Variants in MYO18B observed in about 807,000 individuals in gnomAD.
MYO18B encodes the protein myosin XVIIIB.
Under a neutral mutation model 273.0 loss-of-function variants are expected in MYO18B, and 204 were observed. The ratio of observed to expected loss-of-function variants is 0.75; its 90% CI spans 0.67 to 0.84. The LOEUF (loss-of-function observed/expected upper bound fraction) is 0.84, where lower values mean the gene tolerates loss of function less well. Among genes scored for constraint, MYO18B ranks in the 40% least tolerant of loss-of-function variants. MYO18B has a pLI of 0.00. For missense variants in MYO18B, 3,212 were observed against 3,287.6 expected, an observed-to-expected ratio of 0.98 and a Z score of 0.56; for synonymous variants, 1,330 against 1,305.7, an observed-to-expected ratio of 1.02 and a Z score of -0.40.
chr22:26,002,643 T>C (rs73154169), intron 40 of MYO18B, among the ~76,000 whole-genome samples: 4,047 of 152,274 alleles, frequency 0.027, 56 homozygotes, highest in Middle Eastern at 0.044. Flanking sequence ...CACTGAACAA[T>C]TGCATGCTGA....
intron 35 of MYO18B, among the ~76,000 whole-genome samples, chr22:25,947,358 G>A (rs975738097): frequency 1.3e-5 from 2 of 151,908 alleles, no homozygotes; most frequent in Admixed American, 6.6e-5. Flanking sequence ...GGAGAGCGCC[G>A]GGATTTGCAT....
At position 25,945,336 on chromosome 22, in the gene MYO18B, G is replaced by A. The variant is rs1018984760; in HGVS notation, c.5518-801G>A. The stretch of plus-strand genomic sequence containing the variant: ...CCAGTGTCACCCTCTTTCCTCTACT[G>A]CACAAAGAGGTTGTCATTAGCTGTT... On this transcript the variant is annotated intron_variant, in intron 34 of 43. Transcript: ENST00000335473. 2.6e-5 allele frequency among the ~76,000 whole-genome samples: 4 copies of A among 151,956 alleles called. 1 individual carries two copies. Among genetic ancestry groups the A allele is most frequent in the Admixed American group, 1.3e-4 (2 of 15,264 alleles).
intron 11 of MYO18B, among the ~76,000 whole-genome samples, chr22:25,791,272 G>A (rs1047093005): frequency 1.4e-4 from 21 of 152,214 alleles, no homozygotes; most frequent in African/African-American, 4.3e-4. Flanking sequence ...GAGCTGGACT[G>A]AGAATGAATT....
chr22:26,013,466 G>A (rs1935070549), intron 42 of MYO18B, among the ~76,000 whole-genome samples: 1 of 152,020 alleles, frequency 6.6e-6, no homozygotes, highest in Admixed American at 6.6e-5. Flanking sequence ...GGTTGTTTAT[G>A]GTTTCCCATG....
rs570349098 is a variant in MYO18B at position 25,822,866 on chromosome 22, G to T, written c.2522-639G>T. Among the ~76,000 whole-genome samples the T allele has an allele frequency of 3.5e-4, 54 of 152,336 alleles. 1 individual carries two copies. In the South Asian group the frequency reaches 0.011, roughly 32 times the overall value. On this transcript the variant is annotated intron_variant, in intron 12 of 43. Coordinates refer to ENST00000335473, the MANE Select transcript of MYO18B (RefSeq NM_032608.7). ...ATCAGCTAACAGAATAGAAAGTTTT[G>T]CAATGCTTTCCCATACAATGTGTGG... is the stretch of plus-strand genomic sequence containing the variant.
intron 42 of MYO18B, among the ~76,000 whole-genome samples, chr22:26,017,108 A>C (rs56288648): frequency 0.58 from 65,264 of 113,290 alleles, 16,670 homozygotes; most frequent in Middle Eastern, 0.67. Flanking sequence ...TCACTCACTC[A>C]CTCCCTTCCT....
intron 39 of MYO18B, among the ~76,000 whole-genome samples, chr22:25,990,700 A>AG (rs2093257397): frequency 2.6e-5 from 2 of 78,162 alleles, no homozygotes; most frequent in Admixed American, 2.0e-4. Flanking sequence ...AAAAAAAAAA[A>AG]AAAAAAAAAA....
chr22:25,771,141 C>T (rs2086705401), intron 6 of MYO18B, among the ~76,000 whole-genome samples, 157 bp downstream of exon 6: 1 of 152,288 alleles, frequency 6.6e-6, no homozygotes. Flanking sequence ...AGTGAAGAAC[C>T]CCACTGAACT....
intron 39 of MYO18B, among the ~76,000 whole-genome samples, chr22:25,962,797 G>C (rs1459361590): frequency 1.3e-5 from 2 of 152,148 alleles, no homozygotes; most frequent in Admixed American, 6.5e-5. Context: ...TGGCAGCTTT[G>C]GGGGAGCAGT....
chr22:25,882,306 C>G lies in MYO18B; in HGVS notation c.4314+4258C>G. On this transcript the variant is annotated intron_variant, in intron 25 of 43. Coordinates refer to ENST00000335473, the MANE Select transcript of MYO18B (RefSeq NM_032608.7). Reference sequence around the variant, plus strand: ...AATCCAACACTGAACTTCCTAGCAGCGAAAGCTAAGAGGGAAACAAGCTAT... The same window carrying G: ...AATCCAACACTGAACTTCCTAGCAGGGAAAGCTAAGAGGGAAACAAGCTAT... Among the ~76,000 whole-genome samples, 2 of 150,372 alleles carry G rather than the reference C, an allele frequency of 1.3e-5. 1 individual carries two copies. The highest frequency in any genetic ancestry group is 3.9e-4 in the East Asian group (2 of 5,142).
At chr22:25,972,453 G>C (rs2093045704) in intron 39 of MYO18B, among the ~76,000 whole-genome samples, 1 of 152,158 alleles carries the variant, frequency 6.6e-6, no homozygotes, top group African/African-American at 2.4e-5. Flanking sequence ...GTGACTTATG[G>C]CTTTACTTTT....
intron 34 of MYO18B, among the ~76,000 whole-genome samples, chr22:25,928,333 A>G (rs554243330): frequency 1.3e-5 from 2 of 149,892 alleles, no homozygotes; most frequent in East Asian, 4.0e-4. Flanking sequence ...TTTGGGAGAC[A>G]GAGGGAGGTC....
chr22:26,029,000 T>C (rs1217139137), intron 43 of MYO18B, among the ~76,000 whole-genome samples: 1 of 152,170 alleles, frequency 6.6e-6, no homozygotes, highest in East Asian at 1.9e-4. Flanking sequence ...GTGAATGTTA[T>C]TTATTCCCAT....
chr22:25,918,682 A>T (rs1373039847), intron 33 of MYO18B, among the ~76,000 whole-genome samples: 1 of 152,202 alleles, frequency 6.6e-6, no homozygotes, highest in African/African-American at 2.4e-5. Context: ...TCTCTACTGC[A>T]TGGTCAGTGT....
chr22:25,885,800 G>A (rs2091480437), intron 25 of MYO18B, among the ~76,000 whole-genome samples: 2 of 152,130 alleles, frequency 1.3e-5, no homozygotes, highest in Admixed American at 6.6e-5. Context: ...CCCTTATAAA[G>A]CCCCTGAAAG....
At chr22:26,041,463 T>C in the MYO18B span, among the ~76,000 whole-genome samples, 19 of 150,120 alleles carry the variant, frequency 1.3e-4, 2 homozygotes, top group South Asian at 3.8e-3. Context: ...ACCCAGGAGG[T>C]AGAGGTTGCA....
Position 25,909,255 on chromosome 22 carries a change from A to G in MYO18B, c.5259+823A>G, listed in dbSNP as rs376344706. On this transcript the variant is annotated intron_variant, in intron 32 of 43. Coordinates refer to ENST00000335473, the MANE Select transcript of MYO18B (RefSeq NM_032608.7). ...TAAGCCTCGTTTAACAGGTTCTCACATGTACTCTATAAGACCTTCCCTCCC... is the reference window on the plus strand; with the variant it reads ...TAAGCCTCGTTTAACAGGTTCTCACGTGTACTCTATAAGACCTTCCCTCCC... Among the ~76,000 whole-genome samples the G allele has an allele frequency of 8.5e-5, 13 of 152,296 alleles. No individual in the cohort carries two copies. In the East Asian group the frequency reaches 1.9e-3, roughly 23 times the overall value.
chr22:25,909,822 G>A (rs573772777), intron 32 of MYO18B, among the ~76,000 whole-genome samples: 1 of 152,186 alleles, frequency 6.6e-6, no homozygotes, highest in Admixed American at 6.5e-5. Context: ...AGTGACCTGG[G>A]TGGGAATGCT....
chr22:25,953,122 G>A (rs2092811538), intron 38 of MYO18B, among the ~76,000 whole-genome samples: 1 of 152,202 alleles, frequency 6.6e-6, no homozygotes. Context: ...GTGAGGTTCA[G>A]TGATTACATT....
Sources: allele counts gnomAD v4.1 joint callset (sites outside exome capture counted in the v4.1 genomes callset), GRCh38; gene constraint gnomAD v4.1.1; transcripts MANE v1.5; gene names NCBI Gene and HGNC (gene_info 2026-07-23, HGNC 2026-07-21).